HMG20A: variants seen among roughly 807,000 people sequenced by gnomAD.
HMG20A encodes high mobility group 20A.
In HMG20A, 17 loss-of-function variants were observed where a neutral mutation model predicts 43.9. The ratio of observed to expected loss-of-function variants is 0.39; its 90% CI spans 0.27 to 0.58. The LOEUF (loss-of-function observed/expected upper bound fraction) is 0.58. Among genes scored for constraint, HMG20A ranks in the 20% least tolerant of loss-of-function variants. The probability of loss-of-function intolerance (pLI) is 0.59; values close to 1 mark genes in which losing one functional copy is unlikely to be tolerated. For missense variants in HMG20A, 341 were observed against 438.2 expected, an observed-to-expected ratio of 0.78 and a Z score of 1.98; for synonymous variants, 132 against 147.5, an observed-to-expected ratio of 0.89 and a Z score of 0.76.
chr15:77,517,737 A>G, the HMG20A span, among the ~76,000 whole-genome samples: 1 of 151,908 alleles, frequency 6.6e-6, no homozygotes, highest in East Asian at 1.9e-4. Flanking sequence ...TCAGAGCTGC[A>G]TGTCATGGGG....
the HMG20A span, among the ~76,000 whole-genome samples, chr15:77,492,899 G>A: frequency 1.3e-5 from 2 of 152,152 alleles, no homozygotes; most frequent in African/African-American, 4.8e-5. Flanking sequence ...AGACATTTGG[G>A]AGTTTGACTT....
intron 5 of HMG20A, among the ~76,000 whole-genome samples, chr15:77,471,317 A>T (rs1298642350): frequency 6.6e-6 from 1 of 151,952 alleles, no homozygotes; most frequent in South Asian, 2.1e-4. Flanking sequence ...TTCCCAGTTT[A>T]GGCATTTCTC....
chr15:77,449,110 A>G (rs2073707475), intron 1 of HMG20A, among the ~76,000 whole-genome samples: 1 of 151,978 alleles, frequency 6.6e-6, no homozygotes, highest in African/African-American at 2.4e-5. Context: ...TGGACTATCA[A>G]TTTTAGGTCT....
intron 1 of HMG20A, among the ~76,000 whole-genome samples, chr15:77,448,816 G>A (rs1440813032): frequency 6.6e-6 from 1 of 152,072 alleles, no homozygotes; most frequent in African/African-American, 2.4e-5. Context: ...GGGCGCGGTG[G>A]CTCACGCCTG....
Position 77,445,687 on chromosome 15 carries a change from C to T in HMG20A, c.-4-12717C>T, listed in dbSNP as rs147793158. Among the ~76,000 whole-genome samples, 224 of 152,148 alleles carry T rather than the reference C, an allele frequency of 1.5e-3. 6 individuals are homozygous for T. The East Asian group carries it at 0.03, about 20-fold the overall frequency. ...CCTCACTTCTCTTCTGCTTTGGGGC[C>T]GTTGTGAAGTAAAATAACACCAGCC... On this transcript the variant is annotated intron_variant, in intron 1 of 9. Transcript: ENST00000336216.
intron 4 of HMG20A, 131 bp from the exon 5 acceptor site, chr15:77,470,779 T>C (rs2072799681): frequency 1.4e-6 from 1 of 722,130 alleles, no homozygotes; most frequent in Non-Finnish European, 2.1e-6. Flanking sequence ...TTTCTGATTC[T>C]TTTTTAAGGC....
chr15:77,482,876 A>T (rs1477909345), intron 9 of HMG20A, 94 bp from the exon 10 acceptor site: 1 of 152,168 alleles, frequency 6.6e-6, no homozygotes, highest in Non-Finnish European at 1.5e-5. Context: ...TAAAATCCAT[A>T]GCGCTAACCC....
chr15:77,473,307 A>G (rs1352961168), intron 6 of HMG20A, among the ~76,000 whole-genome samples: 1 of 152,162 alleles, frequency 6.6e-6, no homozygotes, highest in Non-Finnish European at 1.5e-5. Flanking sequence ...TGTATTTTAA[A>G]TCATAATAAT....
intron 5 of HMG20A, 92 bp downstream of exon 5, chr15:77,471,134 G>A (rs2072804520): frequency 2.3e-6 from 3 of 1,317,872 alleles, no homozygotes; most frequent in African/African-American, 1.5e-5. Context: ...TATAAAAGAT[G>A]TGTTTCTGTT....
intron 1 of HMG20A, among the ~76,000 whole-genome samples, chr15:77,421,719 TA>T (rs1404468484): frequency 6.6e-6 from 1 of 152,276 alleles, no homozygotes; most frequent in African/African-American, 2.4e-5. Context: ...GAGGTTACCT[TA>T]ACTGATAAAA....
chr15:77,452,017 A>G (rs2072607938), intron 1 of HMG20A, among the ~76,000 whole-genome samples: 1 of 152,244 alleles, frequency 6.6e-6, no homozygotes, highest in African/African-American at 2.4e-5. Flanking sequence ...ATATGAGGAA[A>G]CATTTAGAGA....
At chr15:77,519,111 C>T in the HMG20A span, among the ~76,000 whole-genome samples, 2 of 152,140 alleles carry the variant, frequency 1.3e-5, no homozygotes, top group Non-Finnish European at 2.9e-5. Context: ...ATCCATTGTC[C>T]CTTCTGGCCT....
intron 1 of HMG20A, among the ~76,000 whole-genome samples, chr15:77,452,001 A>G (rs1382847585): frequency 1.3e-5 from 2 of 152,218 alleles, no homozygotes; most frequent in African/African-American, 2.4e-5. Context: ...ATAAAGGAGA[A>G]TGCATATATG....
Position 77,479,199 on chromosome 15 carries a change from G to GTGGA in HMG20A, c.929_932dup (p.Thr312GlyfsTer4). The GTGGA allele has an allele frequency of 6.2e-7, 1 of 1,613,844 alleles. No individual in the cohort carries two copies. The highest frequency in any genetic ancestry group is 8.5e-7 in the Non-Finnish European group (1 of 1,179,710). ...TTCAGGAAGTGGAGAGACACCTACA[G>GTGGA]TGGACACCATTGACTCATATATGAA... is the stretch of plus-strand genomic sequence containing the variant. On this transcript the variant is annotated frameshift_variant, in exon 9 of 10. Transcript: ENST00000336216. LOFTEE classifies it high-confidence loss of function.
the HMG20A span, among the ~76,000 whole-genome samples, chr15:77,514,179 T>C: frequency 1.3e-5 from 2 of 152,230 alleles, no homozygotes; most frequent in African/African-American, 4.8e-5. Context: ...ACCAGTAGAA[T>C]GCATAAACAG....
chr15:77,503,903 C>T, the HMG20A span, among the ~76,000 whole-genome samples: 2 of 152,158 alleles, frequency 1.3e-5, no homozygotes, highest in African/African-American at 2.4e-5. Context: ...ACAACCTGTA[C>T]AGCTGCACAT....
intron 1 of HMG20A, among the ~76,000 whole-genome samples, chr15:77,452,148 G>A (rs762956485): frequency 4.6e-5 from 7 of 152,126 alleles, no homozygotes; most frequent in Non-Finnish European, 1.0e-4. Flanking sequence ...TCAGTTGAGG[G>A]GTATGGTGTG....
At position 77,438,334 on chromosome 15, in the gene HMG20A, C is replaced by T. The variant is rs146657176; in HGVS notation, c.-5+17330C>T. On this transcript the variant is annotated intron_variant, in intron 1 of 9. Coordinates refer to ENST00000336216, the MANE Select transcript of HMG20A (RefSeq NM_001304504.2). ...CCCTACAAAGAAAAGTTAGTCTAAT[C>T]GCATTTGGTTACTCCTGAGATTTAC... Among the ~76,000 whole-genome samples the T allele has an allele frequency of 4.6e-3, 693 of 151,844 alleles. 19 individuals carry two copies. Among genetic ancestry groups the T allele is most frequent in the Admixed American group, 0.038 (583 of 15,228 alleles).
At chr15:77,426,434 G>A (rs2073428777) in intron 1 of HMG20A, among the ~76,000 whole-genome samples, 1 of 152,024 alleles carries the variant, frequency 6.6e-6, no homozygotes, top group African/African-American at 2.4e-5. Context: ...GAAAGAAAAT[G>A]TTACTAAGAA....
Sources: gnomAD v4.1 joint callset for allele counts (sites outside exome capture counted in the v4.1 genomes callset) on GRCh38, gnomAD v4.1.1 for gene constraint, MANE v1.5 for transcripts, NCBI Gene and HGNC (gene_info 2026-07-23, HGNC 2026-07-21) for gene names.